The following MAPK10 variants were observed in gnomAD, a reference collection of about 807,000 sequenced individuals.
The protein encoded by MAPK10 is JNK3 alpha protein kinase.
MAPK10 carries 25 observed loss-of-function variants against 59.3 expected under a neutral mutation model. The ratio of observed to expected loss-of-function variants is 0.42; its 90% CI spans 0.31 to 0.59. The LOEUF is 0.59. MAPK10 is among the 20% of genes least tolerant of loss of function. The pLI, the probability that MAPK10 is intolerant of heterozygous loss-of-function variation, is 0.15. For missense variants in MAPK10, 351 were observed against 568.9 expected (o/e 0.62, Z 3.90); for synonymous variants, 190 against 200.5 (o/e 0.95, Z 0.44).
At chr4:86,067,251 C>T (rs2148993497) in intron 10 of MAPK10, among the ~76,000 whole-genome samples, 1 of 152,276 alleles carries the variant, frequency 6.6e-6, no homozygotes, top group African/African-American at 2.4e-5. Context: ...AAGCGACTCT[C>T]CTGCCTCAGC....
chr4:86,544,954 G>C (rs541385115), intron 1 of MAPK10, among the ~76,000 whole-genome samples: 2 of 152,008 alleles, frequency 1.3e-5, no homozygotes, highest in Non-Finnish European at 2.9e-5. Context: ...GTTTGAAATG[G>C]AAGGGAGAAA....
At chr4:86,439,627 G>A (rs1239321094) in intron 1 of MAPK10, among the ~76,000 whole-genome samples, 1 of 152,162 alleles carries the variant, frequency 6.6e-6, no homozygotes, top group African/African-American at 2.4e-5. Context: ...GAATTGCTGG[G>A]TTATATTGTA....
At chr4:86,260,238 CA>C (rs2093933206) in intron 2 of MAPK10, among the ~76,000 whole-genome samples, 1 of 152,150 alleles carries the variant, frequency 6.6e-6, no homozygotes, top group South Asian at 2.1e-4. Flanking sequence ...TGTTCAATGT[CA>C]TTCTGTTTTG....
At chr4:86,026,422 C>T (rs1219632768) in intron 13 of MAPK10, 1 of 152,152 alleles carries the variant, frequency 6.6e-6, no homozygotes, top group African/African-American at 2.4e-5. Context: ...CAAGTGAAAT[C>T]AGATAGCAGA....
intron 1 of MAPK10, among the ~76,000 whole-genome samples, chr4:86,438,457 A>AG (rs1047353121): frequency 6.6e-6 from 1 of 152,002 alleles, no homozygotes; most frequent in Admixed American, 6.6e-5. Context: ...TGGGAGGCCG[A>AG]GGGGGGTGGA....
intron 1 of MAPK10, among the ~76,000 whole-genome samples, chr4:86,524,315 C>T (rs1471040329): frequency 2.0e-5 from 3 of 152,186 alleles, no homozygotes; most frequent in Admixed American, 6.5e-5. Context: ...CTCCTCCTAG[C>T]TTTCTGGATA....
intron 2 of MAPK10, among the ~76,000 whole-genome samples, chr4:86,219,407 A>T (rs532172281): frequency 6.6e-6 from 1 of 152,316 alleles, no homozygotes; most frequent in Admixed American, 6.5e-5. Context: ...AAATAAAGGA[A>T]GAAAAGGAGG....
chr4:86,185,500 G>A (rs2077988076), intron 3 of MAPK10, among the ~76,000 whole-genome samples: 1 of 152,108 alleles, frequency 6.6e-6, no homozygotes, highest in African/African-American at 2.4e-5. Flanking sequence ...AGTGAGATAG[G>A]AAGACATTGA....
intron 2 of MAPK10, among the ~76,000 whole-genome samples, chr4:86,309,794 G>A (rs934323297): frequency 3.9e-5 from 6 of 152,094 alleles, no homozygotes; most frequent in Non-Finnish European, 8.8e-5. Context: ...AGCAGTGCCC[G>A]GCATGTAGCA....
intron 13 of MAPK10, chr4:86,026,951 T>C (rs1302649441): frequency 6.6e-6 from 1 of 152,146 alleles, no homozygotes; most frequent in East Asian, 1.9e-4. Context: ...ATGTTGTAAA[T>C]CCTTCGTGCC....
intron 11 of MAPK10, 107 bp downstream of exon 11, chr4:86,064,159 T>A (rs2046275901): frequency 4.3e-6 from 6 of 1,394,814 alleles, no homozygotes; most frequent in Non-Finnish European, 5.9e-6. Flanking sequence ...GACTTAGAAA[T>A]TTTATAAAAA....
At chr4:86,571,205 G>A (rs1761418364) in intron 1 of MAPK10, among the ~76,000 whole-genome samples, 2 of 145,802 alleles carry the variant, frequency 1.4e-5, no homozygotes, top group Admixed American at 1.4e-4. Flanking sequence ...TTTAGTGATT[G>A]GAATCTGTAA....
At chr4:86,551,638 C>A (rs1028970665) in intron 1 of MAPK10, among the ~76,000 whole-genome samples, 1 of 151,716 alleles carries the variant, frequency 6.6e-6, no homozygotes, top group Non-Finnish European at 1.5e-5. Flanking sequence ...TGGAGTCTCA[C>A]TCTATCACCC....
chr4:86,325,930 G>C (rs1194445810), intron 2 of MAPK10: 2 of 152,202 alleles, frequency 1.3e-5, no homozygotes, highest in African/African-American at 4.8e-5. Flanking sequence ...CAGAGGACCA[G>C]CAAGAAGAAA....
intron 1 of MAPK10, among the ~76,000 whole-genome samples, chr4:86,582,667 A>T (rs1762385467): frequency 6.6e-6 from 1 of 152,202 alleles, no homozygotes; most frequent in Admixed American, 6.5e-5. Context: ...AGAGAGAGGC[A>T]GTGGCCTGGC....
chr4:86,146,780 A>T (rs1167156625), intron 4 of MAPK10, among the ~76,000 whole-genome samples: 9 of 152,200 alleles, frequency 5.9e-5, no homozygotes. Flanking sequence ...AGCTTCTATC[A>T]TTTTCTGTTG....
chr4:86,546,962 A>C (rs190144090), intron 1 of MAPK10, among the ~76,000 whole-genome samples: 53 of 152,236 alleles, frequency 3.5e-4, no homozygotes, highest in African/African-American at 1.2e-3. Context: ...AGGCTGAGGC[A>C]GGAGAACCGT....
intron 2 of MAPK10, among the ~76,000 whole-genome samples, chr4:86,204,217 C>A (rs2083303440): frequency 6.6e-6 from 1 of 151,846 alleles, no homozygotes; most frequent in Admixed American, 6.6e-5. Context: ...ATACCATTAG[C>A]CTCGATAGAA....
chr4:86,577,616 A>G (rs1354469886), intron 1 of MAPK10, among the ~76,000 whole-genome samples: 3 of 152,210 alleles, frequency 2.0e-5, no homozygotes, highest in African/African-American at 4.8e-5. Context: ...GGGACATTTA[A>G]GCACACAGAA....
Sources: gnomAD v4.1 joint callset for allele counts (sites outside exome capture counted in the v4.1 genomes callset) on GRCh38, gnomAD v4.1.1 for gene constraint, MANE v1.5 for transcripts, NCBI Gene and HGNC (gene_info 2026-07-23, HGNC 2026-07-21) for gene names.